Variants in PLCB1 observed in about 807,000 individuals in gnomAD.
PLCB1 encodes the protein phospholipase C beta 1.
Under a neutral mutation model 161.8 loss-of-function variants are expected in PLCB1, and 46 were observed. That is an observed-to-expected ratio of 0.28 (90% CI 0.22 to 0.36). PLCB1 has a LOEUF of 0.36. Among genes scored for constraint, PLCB1 ranks in the 10% least tolerant of loss-of-function variants. PLCB1 has a pLI of 1.00. For missense variants in PLCB1, 1,016 were observed against 1,472.5 expected (o/e 0.69, Z 5.07); for synonymous variants, 517 against 503.7 (o/e 1.03, Z -0.35).
intron 2 of PLCB1, among the ~76,000 whole-genome samples, chr20:8,273,092 A>C (rs903704579): frequency 1.3e-5 from 2 of 152,214 alleles, no homozygotes; most frequent in African/African-American, 4.8e-5. Context: ...TTTAAGAGAC[A>C]GCAATAATGA....
chr20:8,756,472 GTTATTATT>G (rs1981742516), intron 23 of PLCB1, among the ~76,000 whole-genome samples: 1 of 152,144 alleles, frequency 6.6e-6, no homozygotes, highest in South Asian at 2.1e-4. Flanking sequence ...ACATCAACTA[GTTATTATT>G]TTTCATGCAT....
chr20:8,156,401 T>C (rs1476373801), intron 2 of PLCB1, among the ~76,000 whole-genome samples: 1 of 152,208 alleles, frequency 6.6e-6, no homozygotes, highest in Non-Finnish European at 1.5e-5. Context: ...CCACTCCTGA[T>C]TGTGTTCTAA....
Position 8,132,941 on chromosome 20 carries a change from C to A in PLCB1, c.99+191C>A, listed in dbSNP as rs2051308077. 6.6e-6 allele frequency among the ~76,000 whole-genome samples: 1 copy of A among 152,176 alleles called. No homozygotes were observed. The highest frequency in any genetic ancestry group is 1.5e-5 in the Non-Finnish European group (1 of 68,032). ...AGAAGCTTTGCGCGCGCTCCTGTTT[C>A]ATCGGGCTTCAGTAGTTGCCATCCT... is the stretch of plus-strand genomic sequence containing the variant. On this transcript the variant is annotated intron_variant, in intron 1 of 31. Coordinates refer to ENST00000338037, the MANE Select transcript of PLCB1 (RefSeq NM_015192.4). This position sits in a 1 kb window ranked among gnomAD's most constrained non-coding sequence, Gnocchi z 5.2.
rs573026384 is a variant in PLCB1, at chr20:8,135,748, C to T, written c.99+2998C>T. On this transcript the variant is annotated intron_variant, in intron 1 of 31. Coordinates refer to ENST00000338037, the MANE Select transcript of PLCB1 (RefSeq NM_015192.4). ...ACTTGGCATGAAGATAAAGGACTGA[C>T]CTAATGATATTTAAAAAATTCAACC... 5.9e-5 allele frequency among the ~76,000 whole-genome samples: 9 copies of T among 152,208 alleles called. No individual in the cohort carries two copies. The South Asian group carries it at 1.2e-3, about 21-fold the overall frequency.
chr20:8,650,301 G>C (rs1781578580), intron 7 of PLCB1, among the ~76,000 whole-genome samples: 1 of 152,052 alleles, frequency 6.6e-6, no homozygotes, highest in Admixed American at 6.5e-5. Flanking sequence ...CTTTCCATAA[G>C]ATATGTCCAT....
intron 3 of PLCB1, among the ~76,000 whole-genome samples, chr20:8,570,522 C>A (rs925887959): frequency 2.0e-5 from 3 of 151,962 alleles, no homozygotes; most frequent in Non-Finnish European, 4.4e-5. Context: ...TTTATTTACT[C>A]ATTCAGCTGA....
intron 2 of PLCB1, among the ~76,000 whole-genome samples, chr20:8,235,599 C>A (rs1409841443): frequency 6.6e-6 from 1 of 151,910 alleles, no homozygotes. Flanking sequence ...TGGGAGAGAG[C>A]CAAAGTTATT....
intron 2 of PLCB1, among the ~76,000 whole-genome samples, chr20:8,274,235 G>A (rs1442357819): frequency 2.0e-5 from 3 of 151,746 alleles, no homozygotes; most frequent in African/African-American, 4.8e-5. Context: ...AGAGCCCCAA[G>A]TCTACCACCC....
rs1987533428 is a variant in PLCB1, at chr20:8,389,685, A to G, written c.246+18235A>G. On this transcript the variant is annotated intron_variant, in intron 3 of 31. Coordinates refer to ENST00000338037, the MANE Select transcript of PLCB1 (RefSeq NM_015192.4). ...CGCAATAATGCGCCATCTTGTGGAC[A>G]TATCCGATATTAAATTCTTAAATTA... Among the ~76,000 whole-genome samples, 2 of 152,214 alleles carry G rather than the reference A, an allele frequency of 1.3e-5. 1 individual carries two copies. The highest frequency in any genetic ancestry group is 4.8e-5 in the African/African-American group (2 of 41,462).
At position 8,649,470 on chromosome 20, in the gene PLCB1, A is replaced by G. The variant is rs4813868; in HGVS notation, c.594+21A>G. The stretch of plus-strand genomic sequence containing the variant: ...CAAGGGTGAGCATGTGTGTTATGCT[A>G]TAGTTTGAATGTTCAGCCCCTCCAA... On this transcript the variant is annotated intron_variant, in intron 7 of 31. Coordinates refer to ENST00000338037, the MANE Select transcript of PLCB1 (RefSeq NM_015192.4). 2,744 of 1,557,058 alleles carry G rather than the reference A, an allele frequency of 1.8e-3. 72 individuals are homozygous for G. In the Admixed American group the frequency reaches 0.043, roughly 24 times the overall value.
chr20:8,330,857 C>T (rs1985340995), intron 2 of PLCB1, among the ~76,000 whole-genome samples: 1 of 152,124 alleles, frequency 6.6e-6, no homozygotes, highest in African/African-American at 2.4e-5. Context: ...ATGTAAAATA[C>T]AATGAACTAT....
intron 10 of PLCB1, among the ~76,000 whole-genome samples, chr20:8,688,722 G>C (rs1469631091): frequency 7.9e-5 from 12 of 152,188 alleles, no homozygotes; most frequent in African/African-American, 2.9e-4. Flanking sequence ...TTTTATGCCA[G>C]TACCACACTG....
chr20:8,209,536 ATTTG>A (rs995682771), intron 2 of PLCB1, among the ~76,000 whole-genome samples: 3 of 152,044 alleles, frequency 2.0e-5, no homozygotes, highest in Non-Finnish European at 4.4e-5. Flanking sequence ...CCTTAAACTT[ATTTG>A]TTTTTCTTTT....
At chr20:8,135,995 A>C (rs965511157) in intron 1 of PLCB1, among the ~76,000 whole-genome samples, 1 of 152,130 alleles carries the variant, frequency 6.6e-6, no homozygotes, top group Non-Finnish European at 1.5e-5. Flanking sequence ...CATGGAGAGA[A>C]AGAGCAAGGA....
At chr20:8,434,551 T>C (rs1388894585) in intron 3 of PLCB1, among the ~76,000 whole-genome samples, 1 of 152,226 alleles carries the variant, frequency 6.6e-6, no homozygotes, top group Non-Finnish European at 1.5e-5. Flanking sequence ...TTTACACATA[T>C]TAGAAATATG....
At chr20:8,745,193 A>G (rs1981107094) in intron 23 of PLCB1, among the ~76,000 whole-genome samples, 1 of 152,186 alleles carries the variant, frequency 6.6e-6, no homozygotes, top group Non-Finnish European at 1.5e-5. Flanking sequence ...TGCCCTTAAC[A>G]TGTAATGCTA....
At chr20:8,776,113 A>G (rs968033696) in intron 27 of PLCB1, among the ~76,000 whole-genome samples, 1 of 152,202 alleles carries the variant, frequency 6.6e-6, no homozygotes, top group Non-Finnish European at 1.5e-5. Flanking sequence ...GTAGTCCAGA[A>G]CATAATAAAA....
intron 9 of PLCB1, among the ~76,000 whole-genome samples, chr20:8,662,226 A>AATTCTATATTATATATAATTATTATATG (rs1568551333): frequency 7.3e-4 from 88 of 120,616 alleles, no homozygotes; most frequent in Non-Finnish European, 1.2e-3. Context: ...ATTATTATAT[A>AATTCTATATTATATATAATTATTATATG]ATTCTATATA....
intron 3 of PLCB1, among the ~76,000 whole-genome samples, chr20:8,554,147 C>T (rs971502197): frequency 6.6e-6 from 1 of 151,262 alleles, no homozygotes; most frequent in African/African-American, 2.4e-5. Context: ...AACTCTCATA[C>T]AGGGGTGATA....
Sources: gnomAD v4.1 joint callset for allele counts (sites outside exome capture counted in the v4.1 genomes callset) on GRCh38, gnomAD v4.1.1 for gene constraint, Gnocchi (gnomAD v3.1) non-coding constraint, MANE v1.5 for transcripts, NCBI Gene and HGNC (gene_info 2026-07-23, HGNC 2026-07-21) for gene names.